Variants in RNF213 observed in about 807,000 individuals in gnomAD.
The protein encoded by RNF213 is ring finger protein 213.
Under a neutral mutation model 514.4 loss-of-function variants are expected in RNF213, and 341 were observed. That is an observed-to-expected ratio of 0.66 (90% CI 0.61 to 0.73). The LOEUF is 0.73. Ranked by LOEUF, RNF213 falls within the 30% of genes least tolerant of loss-of-function variation. RNF213 has a pLI of 0.00. For synonymous variants in RNF213, 2,655 were observed against 2,658.2 expected (o/e 1.00, Z 0.04); for missense variants, 5,767 against 6,615.6 (o/e 0.87, Z 4.45).
intron 41 of RNF213, 73 bp downstream of exon 41, chr17:80,363,863 T>C: frequency 1.4e-6 from 2 of 1,449,210 alleles, no homozygotes; most frequent in South Asian, 1.2e-5. Flanking sequence ...GTGCCAGGCA[T>C]GTCCATGAGA....
Position 80,332,872 on chromosome 17 carries a change from G to T in RNF213, c.4143+241G>T, listed in dbSNP as rs143788782. Among the ~76,000 whole-genome samples the T allele has an allele frequency of 1.1e-3, 165 of 152,210 alleles. 1 individual carries two copies. Among genetic ancestry groups the T allele is most frequent in the African/African-American group, 3.8e-3 (158 of 41,532 alleles). The stretch of plus-strand genomic sequence containing the variant: ...TTCCTTGGGTCTGCGTGAAGATCAA[G>T]AACTCAGGAAAGGGCAACAATCCTC... On this transcript the variant is annotated intron_variant, in intron 21 of 67. Coordinates refer to ENST00000582970, the MANE Select transcript of RNF213 (RefSeq NM_001256071.3).
At chr17:80,372,174 A>G (rs1185698992) in intron 47 of RNF213, among the ~76,000 whole-genome samples, 189 bp downstream of exon 47, 1 of 152,280 alleles carries the variant, frequency 6.6e-6, no homozygotes, top group African/African-American at 2.4e-5. Context: ...TTGCATATAC[A>G]TACAAAACAG....
At chr17:80,383,987 T>G in intron 59 of RNF213, 59 bp downstream of exon 59, 1 of 1,603,178 alleles carries the variant, frequency 6.2e-7, no homozygotes, top group East Asian at 2.2e-5. Flanking sequence ...CCAGCAGGCC[T>G]GAAGGCCCTG....
At chr17:80,270,259 C>G (rs2043774401) in intron 2 of RNF213, among the ~76,000 whole-genome samples, 1 of 152,236 alleles carries the variant, frequency 6.6e-6, no homozygotes, top group Admixed American at 6.5e-5. Flanking sequence ...CAGCAACAGG[C>G]CTATCCTGGG....
intron 54 of RNF213, 73 bp from the exon 55 acceptor site, chr17:80,379,547 A>G: frequency 2.2e-6 from 3 of 1,365,234 alleles, no homozygotes; most frequent in Admixed American, 1.7e-5. Flanking sequence ...GGAGGTGTTC[A>G]TTTGCATGAT....
chr17:80,289,108 C>T (rs924936596), intron 5 of RNF213, among the ~76,000 whole-genome samples: 1 of 152,134 alleles, frequency 6.6e-6, no homozygotes, highest in Non-Finnish European at 1.5e-5. Flanking sequence ...GTGGGGTGGG[C>T]CTGTTCCCAG....
chr17:80,359,466 T>C (rs1156605253), intron 37 of RNF213, among the ~76,000 whole-genome samples: 6 of 125,460 alleles, frequency 4.8e-5, no homozygotes, highest in Non-Finnish European at 7.7e-5. Context: ...TGAGGTGAGA[T>C]AGGATCACAC....
intron 17 of RNF213, chr17:80,320,271 A>G (rs2046094591): frequency 6.5e-6 from 1 of 152,678 alleles, no homozygotes; most frequent in South Asian, 2.1e-4. Context: ...TGACTGTCAT[A>G]TGAATGGAAT....
At chr17:80,313,812 GAGGTGA>G (rs2045687358) in intron 15 of RNF213, among the ~76,000 whole-genome samples, 1 of 57,632 alleles carries the variant, frequency 1.7e-5, no homozygotes, top group Non-Finnish European at 4.0e-5. Flanking sequence ...GGAGGTAATG[GAGGTGA>G]TGGTGGTGGT....
At chr17:80,392,244 T>C (rs1435563357) in intron 67 of RNF213, among the ~76,000 whole-genome samples, 2 of 152,246 alleles carry the variant, frequency 1.3e-5, no homozygotes, top group Non-Finnish European at 2.9e-5. Context: ...ATATACCATA[T>C]ACATTTATGT....
chr17:80,385,087 C>T lies in RNF213; in HGVS notation c.14371C>T (p.Gln4791Ter), dbSNP rs2080179306. The change falls in exon 60 of 68, where the codon CAA (glutamine) becomes TAA (stop). Residue 4791 changes from glutamine to a stop codon, truncating the protein, a stop_gained. Coordinates refer to ENST00000582970, the MANE Select transcript of RNF213 (RefSeq NM_001256071.3). LOFTEE classifies it high-confidence loss of function. Reference protein sequence around the residue: ...VKFLPEILALQRDLVKQFQNV... With the variant: ...VKFLPEILAL The stretch of plus-strand genomic sequence containing the variant: ...GTTCCTGCCTGAGATTTTGGCCTTG[C>T]AAAGGGATCTAGTGAAGCAGTTCCA... 2 of 1,614,144 alleles carry T rather than the reference C, an allele frequency of 1.2e-6. No homozygotes were observed. Among genetic ancestry groups the T allele is most frequent in the East Asian group, 4.5e-5 (2 of 44,880 alleles).
rs2043495930 is a variant in RNF213, at chr17:80,263,461, T to C, written c.-108-113T>C. On this transcript the variant is annotated intron_variant, in intron 1 of 67. Coordinates refer to ENST00000582970, the MANE Select transcript of RNF213 (RefSeq NM_001256071.3). This position sits in a 1 kb window ranked among gnomAD's most constrained non-coding sequence, Gnocchi z 4.9. ...GGACCAGGGCAGAGACTGCAAAAGCTTGAGAGCCAAGGGGGCAGCACAGAG... is the reference window on the plus strand; with the variant it reads ...GGACCAGGGCAGAGACTGCAAAAGCCTGAGAGCCAAGGGGGCAGCACAGAG... 1 of 530,004 alleles carries C rather than the reference T, an allele frequency of 1.9e-6. No homozygotes were observed. 32.8% of individuals were successfully genotyped at this position (530,004 alleles called of 1,614,324 possible). A position where few individuals can be genotyped will look rare whatever the true frequency, so the allele number is the denominator to read the frequency against.
At chr17:80,349,692 G>C in intron 29 of RNF213, 78 bp from the exon 30 acceptor site, 1 of 1,482,614 alleles carries the variant, frequency 6.7e-7, no homozygotes, top group Non-Finnish European at 9.4e-7. Context: ...AGGTTTCTAG[G>C]ATCTGTCTAA....
intron 7 of RNF213, 124 bp downstream of exon 7, chr17:80,290,852 C>G: frequency 8.9e-7 from 1 of 1,128,304 alleles, no homozygotes; most frequent in East Asian, 2.6e-5. Context: ...CTGTGTCACC[C>G]AGGCTGGAGT....
At chr17:80,367,701 C>G (rs1217664875) in intron 42 of RNF213, 47 bp from the exon 43 acceptor site, 1 of 1,541,704 alleles carries the variant, frequency 6.5e-7, no homozygotes, top group South Asian at 1.1e-5. Context: ...CCTGGCCGCC[C>G]TCAGCCCTCC....
chr17:80,347,783 G>A lies in RNF213; in HGVS notation c.9448G>A (p.Val3150Ile). The change falls in exon 29 of 68, where the codon GTC (valine) becomes ATC (isoleucine). Residue 3150 changes from valine to isoleucine, a missense_variant. Around this residue, in one of 13 missense-constraint regions of RNF213, gnomAD observed 919 missense variants for 1,121.0 expected, o/e 0.82. Transcript: ENST00000582970. This position sits in a 1 kb window ranked among gnomAD's most constrained non-coding sequence, Gnocchi z 7.2. The stretch of plus-strand genomic sequence containing the variant: ...GGTTCACCCCAACTTCCGCCTGATT[G>A]TCATTGAAGAGAAAGACGTCGTGTA... ...CRVHPNFRLIVIEEKDVVYKH... is the reference protein window; with the variant it reads ...CRVHPNFRLIIIEEKDVVYKH... 1 of 1,614,190 alleles carries A rather than the reference G, an allele frequency of 6.2e-7. No homozygotes were observed. Among genetic ancestry groups the A allele is most frequent in the South Asian group, 1.1e-5 (1 of 91,088 alleles).
At chr17:80,311,736 C>T (rs930667318) in intron 14 of RNF213, among the ~76,000 whole-genome samples, 5 of 152,178 alleles carry the variant, frequency 3.3e-5, no homozygotes, top group South Asian at 2.1e-4. Flanking sequence ...TGCCTCGAGG[C>T]GTGGGCCTCT....
chr17:80,388,538 G>A, intron 63 of RNF213, 74 bp from the exon 64 acceptor site: 1 of 1,046,270 alleles, frequency 9.6e-7, no homozygotes, highest in Non-Finnish European at 1.5e-6. Flanking sequence ...TCCGGCTGCA[G>A]ATTCTGTTTG....
chr17:80,276,122 A>G (rs998338335), intron 3 of RNF213, among the ~76,000 whole-genome samples: 1 of 144,682 alleles, frequency 6.9e-6, no homozygotes, highest in Non-Finnish European at 1.5e-5. Flanking sequence ...TATTTTTGAG[A>G]TGGAGTTTCG....
Sources: gnomAD v4.1 joint callset for allele counts (sites outside exome capture counted in the v4.1 genomes callset) on GRCh38, gnomAD v4.1.1 for gene constraint, gnomAD v4.1.1 regional missense constraint, Gnocchi (gnomAD v3.1) non-coding constraint, MANE v1.5 for transcripts, NCBI Gene and HGNC (gene_info 2026-07-23, HGNC 2026-07-21) for gene names.